EIPR1: variants seen among roughly 807,000 people sequenced by gnomAD.
EIPR1 encodes the protein EARP complex and GARP complex interacting protein 1.
EIPR1 carries 25 observed loss-of-function variants against 48.1 expected under a neutral mutation model. That is an observed-to-expected ratio of 0.52 (90% CI 0.38 to 0.73). The LOEUF (loss-of-function observed/expected upper bound fraction) is 0.73, where lower values mean the gene tolerates loss of function less well. Ranked by LOEUF, EIPR1 falls within the 30% of genes least tolerant of loss-of-function variation. The pLI is 0.00. For synonymous variants in EIPR1, 204 were observed against 201.9 expected, an observed-to-expected ratio of 1.01 and a Z score of -0.09; for missense variants, 415 against 506.2, an observed-to-expected ratio of 0.82 and a Z score of 1.73.
intron 4 of EIPR1, among the ~76,000 whole-genome samples, chr2:3,248,064 G>A (rs1054013030): frequency 2.0e-5 from 3 of 152,082 alleles, no homozygotes; most frequent in Non-Finnish European, 4.4e-5. Context: ...TTGGGGCATG[G>A]GGGCGGATCC....
At chr2:3,288,859 A>ATGGGATGGG (rs1668285013) in intron 3 of EIPR1, among the ~76,000 whole-genome samples, 1 of 152,322 alleles carries the variant, frequency 6.6e-6, no homozygotes, top group Non-Finnish European at 1.5e-5. Flanking sequence ...CCATTCCTGC[A>ATGGGATGGG]TGGGATGGGT....
intron 4 of EIPR1, among the ~76,000 whole-genome samples, chr2:3,240,455 G>A (rs201972975): frequency 2.7e-5 from 2 of 73,612 alleles, no homozygotes; most frequent in South Asian, 8.9e-4. Flanking sequence ...AGCAAAGCAG[G>A]AGATCCTTCC....
At chr2:3,316,204 C>T (rs1669292455) in intron 3 of EIPR1, among the ~76,000 whole-genome samples, 1 of 151,098 alleles carries the variant, frequency 6.6e-6, no homozygotes, top group African/African-American at 2.4e-5. Flanking sequence ...AGTCCCTACC[C>T]CCATTCCACC....
At chr2:3,344,351 G>A (rs976345747) in intron 2 of EIPR1, among the ~76,000 whole-genome samples, 2 of 152,206 alleles carry the variant, frequency 1.3e-5, no homozygotes, top group Admixed American at 1.3e-4. Flanking sequence ...GGCCCATATC[G>A]CTGCTTTTCT....
chr2:3,374,439 G>A (rs1659804542), intron 1 of EIPR1, among the ~76,000 whole-genome samples: 1 of 151,804 alleles, frequency 6.6e-6, no homozygotes, highest in African/African-American at 2.4e-5. Context: ...AGAGTGAACA[G>A]GCAACCTACA....
intron 2 of EIPR1, among the ~76,000 whole-genome samples, chr2:3,352,279 G>A (rs1481128805): frequency 2.1e-5 from 2 of 97,560 alleles, no homozygotes; most frequent in East Asian, 3.1e-4. Flanking sequence ...CTACAGAAGC[G>A]ACCTGCCCCT....
intron 4 of EIPR1, among the ~76,000 whole-genome samples, chr2:3,232,131 C>T (rs1304587537): frequency 6.6e-6 from 1 of 152,196 alleles, no homozygotes; most frequent in Non-Finnish European, 1.5e-5. Flanking sequence ...ACAGTAGTCT[C>T]TTATGATCCT....
At chr2:3,368,511 C>A (rs966754037) in intron 1 of EIPR1, among the ~76,000 whole-genome samples, 1 of 152,190 alleles carries the variant, frequency 6.6e-6, no homozygotes, top group Non-Finnish European at 1.5e-5. Context: ...ATGCCTGCCC[C>A]CAGACCTACA....
At chr2:3,267,040 T>C (rs1441367513) in intron 3 of EIPR1, among the ~76,000 whole-genome samples, 1 of 152,144 alleles carries the variant, frequency 6.6e-6, no homozygotes, top group South Asian at 2.1e-4. Context: ...CCCCACACCC[T>C]GAATCAATGC....
chr2:3,269,860 A>G (rs1667651628), intron 3 of EIPR1, among the ~76,000 whole-genome samples: 1 of 152,242 alleles, frequency 6.6e-6, no homozygotes, highest in African/African-American at 2.4e-5. Context: ...GCGCAGCTGC[A>G]TTGCCTCTGT....
At chr2:3,336,951 A>T (rs1011228612) in intron 3 of EIPR1, among the ~76,000 whole-genome samples, 1 of 131,562 alleles carries the variant, frequency 7.6e-6, no homozygotes, top group African/African-American at 2.9e-5. Flanking sequence ...AAGGGAAGGG[A>T]AGAGAAAAGG....
intron 3 of EIPR1, among the ~76,000 whole-genome samples, chr2:3,294,616 CCA>C (rs1351081397): frequency 1.2e-4 from 15 of 129,046 alleles, no homozygotes; most frequent in East Asian, 2.7e-4. Context: ...CATCCTCTCT[CCA>C]CACACACCCT....
chr2:3,200,073 G>A (rs1035970036), intron 5 of EIPR1, among the ~76,000 whole-genome samples: 1 of 152,062 alleles, frequency 6.6e-6, no homozygotes, highest in Non-Finnish European at 1.5e-5. Context: ...GGCACCTGGG[G>A]CCTCACTAAG....
intron 3 of EIPR1, among the ~76,000 whole-genome samples, chr2:3,324,787 G>A (rs936716350): frequency 7.2e-5 from 11 of 152,230 alleles, no homozygotes; most frequent in Admixed American, 2.6e-4. Context: ...GAGTGCAGGC[G>A]GCCTGCGCGC....
In EIPR1 at chr2:3,189,448, G is replaced by A; in HGVS notation, c.1050C>T (p.Val350=). 6.3e-7 allele frequency: 1 copy of A among 1,586,548 alleles called. No individual in the cohort carries two copies. Among genetic ancestry groups the A allele is most frequent in the Non-Finnish European group, 8.6e-7 (1 of 1,163,724 alleles). The part of the protein sequence containing the change: ...IATYEEHEDS[V]YAVDWSSADP... Reference sequence around the variant, plus strand: ...CAGCCGAGGACCAGTCCACGGCATAGACGCTGTCCTCGTGCTCCTCGTAGG... The same window carrying A: ...CAGCCGAGGACCAGTCCACGGCATAAACGCTGTCCTCGTGCTCCTCGTAGG... Residue 350 remains valine (V), a synonymous_variant, in exon 9 of 9, where the codon GTC becomes GTT. Transcript: ENST00000382125. The surrounding 1 kb of genome is among the most constrained non-coding windows in gnomAD (Gnocchi z 4.6).
intron 3 of EIPR1, among the ~76,000 whole-genome samples, chr2:3,316,473 T>C (rs1345912031): frequency 1.3e-5 from 2 of 152,188 alleles, no homozygotes; most frequent in Non-Finnish European, 2.9e-5. Context: ...AGTCCCATAC[T>C]TCTACACAAA....
chr2:3,326,676 C>A (rs781649075), intron 3 of EIPR1, among the ~76,000 whole-genome samples: 2 of 152,158 alleles, frequency 1.3e-5, no homozygotes, highest in African/African-American at 2.4e-5. Context: ...CATTTCACTT[C>A]CAGGACACTG....
chr2:3,306,409 G>T (rs1373580364), intron 3 of EIPR1, among the ~76,000 whole-genome samples: 2 of 152,140 alleles, frequency 1.3e-5, no homozygotes, highest in Non-Finnish European at 2.9e-5. Context: ...TAAGAAGTTT[G>T]GTTTTCTTTA....
intron 3 of EIPR1, among the ~76,000 whole-genome samples, chr2:3,276,926 C>CT (rs1667865362): frequency 6.6e-6 from 1 of 152,164 alleles, no homozygotes; most frequent in African/African-American, 2.4e-5. Context: ...TAAATTTACA[C>CT]TTTATGTTTT....
Sources: allele counts gnomAD v4.1 joint callset (sites outside exome capture counted in the v4.1 genomes callset), GRCh38; gene constraint gnomAD v4.1.1; non-coding constraint Gnocchi (gnomAD v3.1); transcripts MANE v1.5; gene names NCBI Gene and HGNC (gene_info 2026-07-23, HGNC 2026-07-21).